SPAST: variants seen among roughly 807,000 people sequenced by gnomAD.
The protein encoded by SPAST is spastic paraplegia 4 (autosomal dominant; spastin).
SPAST carries 30 observed loss-of-function variants against 76.6 expected under a neutral mutation model. The observed-to-expected ratio is 0.39, with a 90% confidence interval of 0.29 to 0.53. The LOEUF (loss-of-function observed/expected upper bound fraction) is 0.53. Among genes scored for constraint, SPAST ranks in the 20% least tolerant of loss-of-function variants. SPAST has a pLI of 0.68. For synonymous variants in SPAST, 305 were observed against 281.0 expected (o/e 1.09, Z -0.86); for missense variants, 717 against 770.5 (o/e 0.93, Z 0.82).
chr2:32,154,229 G>T, intron 16 of SPAST, 145 bp from the exon 17 acceptor site: 4 of 662,094 alleles, frequency 6.0e-6, no homozygotes, highest in Non-Finnish European at 7.8e-6. Context: ...ATATTTAAAT[G>T]GCTGACATAA....
chr2:32,144,787 G>A (rs1214212436), intron 14 of SPAST, 150 bp from the exon 15 acceptor site: 1 of 657,022 alleles, frequency 1.5e-6, no homozygotes, highest in Non-Finnish European at 2.8e-6. Context: ...TACCTGAGAG[G>A]CTGAGGTAGG....
Position 32,154,358 on chromosome 2 carries a change from C to A in SPAST, c.1729-16C>A. On this transcript the variant is annotated splice_polypyrimidine_tract_variant and intron_variant, in intron 16 of 16. Coordinates refer to ENST00000315285, the MANE Select transcript of SPAST (RefSeq NM_014946.4). ...TGTTGATCATTTGTATTGTCATGTG[C>A]TTTTTAAAAATCTAGATGAGAAATA... is the stretch of plus-strand genomic sequence containing the variant. 1 of 1,609,144 alleles carries A rather than the reference C, an allele frequency of 6.2e-7. No individual in the cohort carries two copies.
intron 12 of SPAST, among the ~76,000 whole-genome samples, chr2:32,141,236 A>G (rs981968798): frequency 1.3e-5 from 2 of 152,218 alleles, no homozygotes; most frequent in Non-Finnish European, 2.9e-5. Context: ...TCTTCCCGCC[A>G]GACTGTTAGA....
intron 2 of SPAST, among the ~76,000 whole-genome samples, chr2:32,088,089 C>T (rs980100745): frequency 1.1e-4 from 16 of 151,784 alleles, no homozygotes; most frequent in African/African-American, 1.9e-4. Flanking sequence ...GGTTTTGCCA[C>T]GTTGGCCAGG....
chr2:32,071,792 A>G (rs1199124687), intron 1 of SPAST, among the ~76,000 whole-genome samples: 2 of 152,204 alleles, frequency 1.3e-5, no homozygotes, highest in African/African-American at 4.8e-5. Flanking sequence ...TGTAGCTACC[A>G]AGGTTTTTAT....
chr2:32,063,924 C>T lies in SPAST; in HGVS notation c.93C>T (p.Pro31=). ...PPRPPPPCLA[P]APPAAGPAPP... is the part of the protein sequence containing the mutation. Reference sequence around the variant, plus strand: ...GGCCTCCGCCCCCTTGCCTGGCCCCCGCCCCTCCCGCCGCCGGGCCGGCCC... The same window carrying T: ...GGCCTCCGCCCCCTTGCCTGGCCCCTGCCCCTCCCGCCGCCGGGCCGGCCC... Residue 31 remains proline (P), a synonymous_variant, in exon 1 of 17, where the codon CCC becomes CCT. Coordinates refer to ENST00000315285, the MANE Select transcript of SPAST (RefSeq NM_014946.4). 2.5e-6 allele frequency: 4 copies of T among 1,592,836 alleles called. No individual in the cohort carries two copies. Among genetic ancestry groups the T allele is most frequent in the South Asian group, 1.1e-5 (1 of 88,726 alleles).
chr2:32,126,321 T>C (rs1679189923), intron 7 of SPAST, among the ~76,000 whole-genome samples: 1 of 152,212 alleles, frequency 6.6e-6, no homozygotes. Context: ...TTAATCTCCT[T>C]TTCTATTTTT....
intron 4 of SPAST, among the ~76,000 whole-genome samples, chr2:32,105,152 C>T (rs964911990): frequency 5.3e-5 from 8 of 152,016 alleles, no homozygotes; most frequent in Non-Finnish European, 1.0e-4. Flanking sequence ...TGTTCGTTTC[C>T]TTTTACTCTT....
At chr2:32,111,594 A>T (rs190755463) in intron 4 of SPAST, among the ~76,000 whole-genome samples, 1 of 150,960 alleles carries the variant, frequency 6.6e-6, no homozygotes, top group East Asian at 1.9e-4. Flanking sequence ...TTCCCTTTTG[A>T]GTTTTTCTTC....
At chr2:32,085,039 G>C (rs1245384052) in intron 1 of SPAST, among the ~76,000 whole-genome samples, 2 of 151,716 alleles carry the variant, frequency 1.3e-5, no homozygotes, top group African/African-American at 4.8e-5. Context: ...TTGCCACTCA[G>C]AATACAAGTG....
chr2:32,121,942 C>T (rs1161196487), intron 7 of SPAST, among the ~76,000 whole-genome samples: 3 of 152,198 alleles, frequency 2.0e-5, no homozygotes, highest in African/African-American at 7.2e-5. Flanking sequence ...AAGATTCCTC[C>T]TCTTTTCTTT....
At chr2:32,117,008 C>T (rs1211920013) in intron 7 of SPAST, among the ~76,000 whole-genome samples, 5 of 151,816 alleles carry the variant, frequency 3.3e-5, no homozygotes, top group Non-Finnish European at 5.9e-5. Context: ...CGCCTGTAAT[C>T]CCAGCACTTT....
Position 32,063,928 on chromosome 2 carries a change from C to T in SPAST, c.97C>T (p.Pro33Ser), listed in dbSNP as rs1403480959. Residue 33 changes from proline to serine, a missense_variant, in exon 1 of 17, where the codon CCT (proline) becomes TCT (serine). Physicochemically the swap from Pro to Ser is moderately conservative, Grantham distance 74 (BLOSUM62 -1). Transcript: ENST00000315285. ...TCCGCCCCCTTGCCTGGCCCCCGCC[C>T]CTCCCGCCGCCGGGCCGGCCCCTCC... Reference protein sequence around the residue: ...RPPPPCLAPAPPAAGPAPPPE... With the variant: ...RPPPPCLAPASPAAGPAPPPE... The T allele has an allele frequency of 1.9e-6, 3 of 1,597,930 alleles. No individual in the cohort carries two copies. Among genetic ancestry groups the T allele is most frequent in the African/African-American group, 1.3e-5 (1 of 74,718 alleles).
intron 4 of SPAST, among the ~76,000 whole-genome samples, chr2:32,112,218 G>A (rs929048613): frequency 4.6e-5 from 7 of 151,618 alleles, no homozygotes; most frequent in Non-Finnish European, 1.0e-4. Flanking sequence ...CTCCCAAAGC[G>A]CTAGGATTAC....
At position 32,128,489 on chromosome 2, in the gene SPAST, C is replaced by G; in HGVS notation, c.1245+10C>G. 6.4e-7 allele frequency: 1 copy of G among 1,559,058 alleles called. No homozygotes were observed. Among genetic ancestry groups the G allele is most frequent in the Non-Finnish European group, 8.8e-7 (1 of 1,129,982 alleles). On this transcript the variant is annotated intron_variant, in intron 9 of 16. Coordinates refer to ENST00000315285, the MANE Select transcript of SPAST (RefSeq NM_014946.4). ...TTTAACTTCAAAATACGTGAGTGCT[C>G]TGTTTCCAATATTGTCGTATTTTAA...
intron 4 of SPAST, among the ~76,000 whole-genome samples, chr2:32,107,355 G>A (rs1678364803): frequency 6.6e-6 from 1 of 151,900 alleles, no homozygotes; most frequent in Non-Finnish European, 1.5e-5. Flanking sequence ...GGGTTCAAGC[G>A]ATTCTCCCAC....
intron 4 of SPAST, among the ~76,000 whole-genome samples, chr2:32,106,060 T>C (rs1475592919): frequency 6.6e-6 from 1 of 152,090 alleles, no homozygotes; most frequent in Non-Finnish European, 1.5e-5. Flanking sequence ...TCCCCAGAGG[T>C]GGAGTCTACA....
chr2:32,087,262 A>G (rs1177138808), intron 1 of SPAST, among the ~76,000 whole-genome samples: 5 of 152,200 alleles, frequency 3.3e-5, no homozygotes, highest in Non-Finnish European at 7.3e-5. Flanking sequence ...ATGGGCTGAT[A>G]AGCAAAATAG....
At chr2:32,088,246 TG>T (rs1225022489) in intron 2 of SPAST, among the ~76,000 whole-genome samples, 4 of 151,816 alleles carry the variant, frequency 2.6e-5, no homozygotes, top group Non-Finnish European at 5.9e-5. Context: ...TTTCTGTGAC[TG>T]ATCTTAAACT....
Sources: allele counts gnomAD v4.1 joint callset (sites outside exome capture counted in the v4.1 genomes callset), GRCh38; gene constraint gnomAD v4.1.1; transcripts MANE v1.5; gene names NCBI Gene and HGNC (gene_info 2026-07-23, HGNC 2026-07-21).